Variants in LRRC7 observed in about 807,000 individuals in gnomAD.
The protein encoded by LRRC7 is leucine-rich repeat-containing protein 7.
LRRC7 carries 23 observed loss-of-function variants against 175.7 expected under a neutral mutation model. That is an observed-to-expected ratio of 0.13 (90% CI 0.09 to 0.19). The LOEUF (loss-of-function observed/expected upper bound fraction) is 0.19, where lower values mean the gene tolerates loss of function less well. Ranked by LOEUF, LRRC7 falls within the 10% of genes least tolerant of loss-of-function variation. The probability of loss-of-function intolerance (pLI) is 1.00; values close to 1 mark genes in which losing one functional copy is unlikely to be tolerated. For missense variants in LRRC7, 1,354 were observed against 1,904.7 expected, an observed-to-expected ratio of 0.71 and a Z score of 5.38; for synonymous variants, 685 against 680.9, an observed-to-expected ratio of 1.01 and a Z score of -0.09.
chr1:69,857,936 G>C (rs893799934), intron 7 of LRRC7, among the ~76,000 whole-genome samples: 5 of 151,948 alleles, frequency 3.3e-5, no homozygotes, highest in East Asian at 3.9e-4. Flanking sequence ...GAACAGAACA[G>C]AGCCCTCAGA....
Position 70,037,964 on chromosome 1 carries a change from G to C in LRRC7, c.2289-149G>C, listed in dbSNP as rs1368770164. 5.4e-6 allele frequency: 6 copies of C among 1,117,436 alleles called. No homozygotes were observed. The East Asian group carries it at 1.5e-4, about 28-fold the overall frequency. The allele number at this position is 1,117,436 out of a possible 1,614,324, so 69.2% of individuals were successfully genotyped here. On this transcript the variant is annotated intron_variant, in intron 20 of 26. Coordinates refer to ENST00000651989, the MANE Select transcript of LRRC7 (RefSeq NM_001370785.2). ...ATAAAGGGATGGATTTTTAAAATAT[G>C]AAATAATAATACTATCTTAATCATA...
At chr1:69,836,507 T>A (rs1038038994) in intron 6 of LRRC7, among the ~76,000 whole-genome samples, 1 of 151,934 alleles carries the variant, frequency 6.6e-6, no homozygotes, top group Non-Finnish European at 1.5e-5. Context: ...AGAAAAAGAT[T>A]TGGGCAAGTG....
chr1:70,051,622 C>T lies in LRRC7; in HGVS notation c.4111-1404C>T, dbSNP rs192626929. 1.8e-3 allele frequency among the ~76,000 whole-genome samples: 275 copies of T among 151,808 alleles called. 1 individual carries two copies. The highest frequency in any genetic ancestry group is 5.7e-3 in the African/African-American group (238 of 41,476). On this transcript the variant is annotated intron_variant, in intron 22 of 26. Coordinates refer to ENST00000651989, the MANE Select transcript of LRRC7 (RefSeq NM_001370785.2). ...CAAATAAACACACACCAATTCATTC[C>T]TAACTCAGGAGCTTAAATTCAGTAC...
chr1:69,873,552 T>A (rs1179480578), intron 7 of LRRC7: 5 of 520,378 alleles, frequency 9.6e-6, no homozygotes, highest in Admixed American at 2.0e-5. Flanking sequence ...AGGGAGCAGC[T>A]TTTCGGGCAC....
chr1:69,686,228 A>G (rs1490930224), intron 2 of LRRC7, among the ~76,000 whole-genome samples: 8 of 152,198 alleles, frequency 5.3e-5, no homozygotes, highest in Non-Finnish European at 1.0e-4. Flanking sequence ...TGTTGCTAAC[A>G]AACCTTCCCC....
Position 70,124,763 on chromosome 1 carries a change from A to AG in LRRC7, c.*2876_*2877insG, listed in dbSNP as rs1666372148. 6.6e-6 allele frequency among the ~76,000 whole-genome samples: 1 copy of AG among 151,920 alleles called. No individual in the cohort carries two copies. Among genetic ancestry groups the AG allele is most frequent in the Non-Finnish European group, 1.5e-5 (1 of 67,962 alleles). On this transcript the variant is annotated 3_prime_UTR_variant, in exon 27 of 27. Coordinates refer to ENST00000651989, the MANE Select transcript of LRRC7 (RefSeq NM_001370785.2). The stretch of plus-strand genomic sequence containing the variant: ...GTCAAGGGTGTGCCTTTTAAAAAAA[A>AG]AAAAGAAAAATCAATAACAACAAAA...
intron 2 of LRRC7, among the ~76,000 whole-genome samples, chr1:69,712,685 AT>A: frequency 6.6e-6 from 1 of 152,184 alleles, no homozygotes; most frequent in South Asian, 2.1e-4. Context: ...AGTTATTTTT[AT>A]TTTTTCTTTC....
In LRRC7 at chr1:69,568,333, G is replaced by T. The variant is rs1223666082; in HGVS notation, c.-307G>T. 2 of 204,796 alleles carry T rather than the reference G, an allele frequency of 9.8e-6. No individual in the cohort carries two copies. Among genetic ancestry groups the T allele is most frequent in the Non-Finnish European group, 1.9e-5 (2 of 102,938 alleles). The allele number at this position is 204,796 out of a possible 1,614,324, so 12.7% of individuals were successfully genotyped here. A position where few individuals can be genotyped will look rare whatever the true frequency, so the allele number is the denominator to read the frequency against. On this transcript the variant is annotated 5_prime_UTR_variant, in exon 1 of 27. The change creates a new upstream start codon in the 5' untranslated region. Coordinates refer to ENST00000651989, the MANE Select transcript of LRRC7 (RefSeq NM_001370785.2). ...GGTCGCTAGCGCGGCGCGCTGGGCA[G>T]GCTGAGGCTGGGGAGTGGACGCGCT... is the stretch of plus-strand genomic sequence containing the variant.
chr1:69,626,255 T>C (rs189472104), intron 1 of LRRC7, among the ~76,000 whole-genome samples: 1 of 152,270 alleles, frequency 6.6e-6, no homozygotes, highest in Admixed American at 6.5e-5. Flanking sequence ...ATCTATGGTA[T>C]GTTTTGAGAA....
chr1:69,641,536 T>C (rs1321885303), intron 1 of LRRC7, among the ~76,000 whole-genome samples: 4 of 151,664 alleles, frequency 2.6e-5, no homozygotes, highest in Non-Finnish European at 5.9e-5. Flanking sequence ...TTACAGCTTA[T>C]TAAAATTACA....
intron 11 of LRRC7, among the ~76,000 whole-genome samples, chr1:70,000,054 C>T (rs1477989374): frequency 6.6e-6 from 1 of 152,110 alleles, no homozygotes; most frequent in Non-Finnish European, 1.5e-5. Context: ...ACCCTACTTG[C>T]CTTCGAAGAC....
chr1:69,764,433 T>A (rs1159127166), intron 3 of LRRC7, among the ~76,000 whole-genome samples: 1 of 151,532 alleles, frequency 6.6e-6, no homozygotes, highest in South Asian at 2.1e-4. Flanking sequence ...ACCTGGAGAG[T>A]GAATTTGGTA....
chr1:69,799,470 C>T (rs563912000), intron 4 of LRRC7, among the ~76,000 whole-genome samples: 1 of 152,206 alleles, frequency 6.6e-6, no homozygotes, highest in Non-Finnish European at 1.5e-5. Flanking sequence ...ATTTGACTTT[C>T]TGTCTCTGAG....
intron 24 of LRRC7, among the ~76,000 whole-genome samples, chr1:70,078,848 A>T (rs1052672880): frequency 1.3e-5 from 2 of 151,334 alleles, no homozygotes; most frequent in African/African-American, 4.9e-5. Flanking sequence ...ACACACACAC[A>T]CACACTCCCC....
At chr1:69,937,904 C>T (rs1648215760) in intron 8 of LRRC7, among the ~76,000 whole-genome samples, 1 of 151,722 alleles carries the variant, frequency 6.6e-6, no homozygotes, top group Admixed American at 6.6e-5. Context: ...GTATTAATTT[C>T]CTCAGAACTT....
chr1:69,815,038 T>A (rs775829785), intron 4 of LRRC7, among the ~76,000 whole-genome samples: 1 of 152,210 alleles, frequency 6.6e-6, no homozygotes, highest in Non-Finnish European at 1.5e-5. Flanking sequence ...CATTAGTTGT[T>A]CTTTCACTTA....
chr1:69,781,846 GGAGAGA>G (rs1673729537), intron 3 of LRRC7, among the ~76,000 whole-genome samples: 1 of 83,200 alleles, frequency 1.2e-5, no homozygotes, highest in Non-Finnish European at 2.3e-5. Context: ...AGGAAGGAAG[GGAGAGA>G]AAGAAAGAGA....
rs573596563 is a variant in LRRC7 at position 69,984,378 on chromosome 1, T to C, written c.787-1864T>C. Among the ~76,000 whole-genome samples the C allele has an allele frequency of 2.4e-4, 36 of 152,268 alleles. 1 individual carries two copies. The East Asian group carries it at 6.0e-3, about 25-fold the overall frequency. ...TGCGAGCTTGTGTGTATGTAATAAA[T>C]TTATGTATTTATTGTGTATTTGTTT... On this transcript the variant is annotated intron_variant, in intron 9 of 26. Coordinates refer to ENST00000651989, the MANE Select transcript of LRRC7 (RefSeq NM_001370785.2).
At chr1:69,653,291 T>TA (rs60624696) in intron 1 of LRRC7, among the ~76,000 whole-genome samples, 4,981 of 151,694 alleles carry the variant, frequency 0.033, 275 homozygotes, top group African/African-American at 0.11. Flanking sequence ...AACTTTTTTT[T>TA]AATTTTTTTA....
Sources: gnomAD v4.1 joint callset for allele counts (sites outside exome capture counted in the v4.1 genomes callset) on GRCh38, gnomAD v4.1.1 for gene constraint, MANE v1.5 for transcripts, NCBI Gene and HGNC (gene_info 2026-07-23, HGNC 2026-07-21) for gene names.